Variants in VPS13B observed in about 807,000 individuals in gnomAD.
VPS13B encodes vacuolar protein sorting 13 homolog B.
VPS13B carries 285 observed loss-of-function variants against 426.4 expected under a neutral mutation model. The observed-to-expected ratio is 0.67, with a 90% CI of 0.61 to 0.74. The LOEUF (loss-of-function observed/expected upper bound fraction) is 0.74, where lower values mean the gene tolerates loss of function less well. Among genes scored for constraint, VPS13B ranks in the 30% least tolerant of loss-of-function variants. The pLI is 0.00. For synonymous variants in VPS13B, 1,676 were observed against 1,676.4 expected (o/e 1.00, Z 0.01); for missense variants, 4,537 against 4,782.6 (o/e 0.95, Z 1.51).
At chr8:99,164,711 C>T (rs892133542) in intron 15 of VPS13B, among the ~76,000 whole-genome samples, 2 of 151,878 alleles carry the variant, frequency 1.3e-5, no homozygotes, top group East Asian at 3.9e-4. Flanking sequence ...TCTTCGACTT[C>T]TTCTTTGTCT....
intron 4 of VPS13B, among the ~76,000 whole-genome samples, chr8:99,100,852 C>T (rs1259958888): frequency 6.6e-6 from 1 of 151,756 alleles, no homozygotes; most frequent in African/African-American, 2.4e-5. Context: ...ACCAGCCTGA[C>T]CAACATGGTG....
At chr8:99,444,169 G>A (rs1817806347) in intron 23 of VPS13B, among the ~76,000 whole-genome samples, 1 of 151,914 alleles carries the variant, frequency 6.6e-6, no homozygotes, top group African/African-American at 2.4e-5. Flanking sequence ...CACAATCCCG[G>A]CTCACTGCAG....
At position 99,192,968 on chromosome 8, in the gene VPS13B, A is replaced by C; in HGVS notation, c.2426A>C (p.Gln809Pro). ...ACAAGAGCACAGACACTTCTCTTGC[A>C]AGCAATATATCAAAGTTGGTCTCAT... ...QATRAQTLLL[Q>P]AIYQSWSHLG... Residue 809 changes from glutamine (Q) to proline (P), a missense_variant, in exon 17 of 62, where the codon CAA (glutamine) becomes CCA (proline). By Grantham distance (76) the Gln-to-Pro change is moderately conservative. Transcript: ENST00000357162. The C allele has an allele frequency of 1.9e-6, 3 of 1,613,750 alleles. No homozygotes were observed. Among genetic ancestry groups the C allele is most frequent in the Non-Finnish European group, 2.5e-6 (3 of 1,179,834 alleles).
chr8:99,548,791 T>A (rs1824124928), intron 30 of VPS13B, among the ~76,000 whole-genome samples: 1 of 151,968 alleles, frequency 6.6e-6, no homozygotes, highest in African/African-American at 2.4e-5. Context: ...TACTGTATTT[T>A]CTTATAACGA....
intron 22 of VPS13B, among the ~76,000 whole-genome samples, chr8:99,438,153 T>A (rs1817492516): frequency 6.6e-6 from 1 of 151,698 alleles, no homozygotes; most frequent in South Asian, 2.1e-4. Flanking sequence ...TTGGTAATAA[T>A]GCTGTTATTC....
chr8:99,463,035 T>A (rs1401538259), intron 23 of VPS13B, among the ~76,000 whole-genome samples: 1 of 152,232 alleles, frequency 6.6e-6, no homozygotes, highest in Non-Finnish European at 1.5e-5. Context: ...TCCATGGCAC[T>A]GATGTTACCG....
At chr8:99,178,178 C>A (rs190707374) in intron 16 of VPS13B, among the ~76,000 whole-genome samples, 2 of 149,026 alleles carry the variant, frequency 1.3e-5, no homozygotes, top group Admixed American at 1.3e-4. Flanking sequence ...TTATTATACT[C>A]TAAGTTTTAG....
intron 2 of VPS13B, among the ~76,000 whole-genome samples, chr8:99,022,670 T>C (rs2132157074): frequency 6.6e-6 from 1 of 152,326 alleles, no homozygotes; most frequent in South Asian, 2.1e-4. Flanking sequence ...ATTTTCATTG[T>C]TTGCTTATTC....
rs79744694 is a variant in VPS13B at position 99,673,926 on chromosome 8, G to C, written c.6046+12435G>C. The stretch of plus-strand genomic sequence containing the variant: ...TTGTGAATTTTCTGAAATTCTTCCT[G>C]TTATTGGTTGCTAGTTTTATACCAT... On this transcript the variant is annotated intron_variant, in intron 35 of 61. Coordinates refer to ENST00000357162, the MANE Select transcript of VPS13B (RefSeq NM_152564.5). Among the ~76,000 whole-genome samples, 536 of 152,040 alleles carry C rather than the reference G, an allele frequency of 3.5e-3. 5 individuals are homozygous for C. Among genetic ancestry groups the C allele is most frequent in the African/African-American group, 0.012 (513 of 41,520 alleles).
At chr8:99,463,705 A>T (rs927309095) in intron 23 of VPS13B, among the ~76,000 whole-genome samples, 5 of 152,044 alleles carry the variant, frequency 3.3e-5, no homozygotes, top group South Asian at 2.1e-4. Flanking sequence ...ATTTTATTTT[A>T]TTTTAAGATG....
chr8:99,131,516 G>A (rs568239001), intron 8 of VPS13B, among the ~76,000 whole-genome samples: 2 of 152,090 alleles, frequency 1.3e-5, no homozygotes, highest in African/African-American at 2.4e-5. Flanking sequence ...ACAATAAAGC[G>A]AATATAGCAA....
intron 17 of VPS13B, among the ~76,000 whole-genome samples, chr8:99,265,484 G>C (rs1347458965): frequency 1.3e-5 from 2 of 152,126 alleles, no homozygotes; most frequent in Non-Finnish European, 2.9e-5. Context: ...ATGCCATATA[G>C]ATTCTAAGAT....
At chr8:99,378,679 C>A (rs1477210510) in intron 19 of VPS13B, among the ~76,000 whole-genome samples, 1 of 152,182 alleles carries the variant, frequency 6.6e-6, no homozygotes, top group Non-Finnish European at 1.5e-5. Flanking sequence ...TCCCTGACTT[C>A]CCGCAACAAT....
chr8:99,309,299 GT>G (rs1820820168), intron 19 of VPS13B, among the ~76,000 whole-genome samples: 1 of 152,134 alleles, frequency 6.6e-6, no homozygotes, highest in Admixed American at 6.6e-5. Context: ...TTCTTCTAGG[GT>G]TTTTATGGTT....
At chr8:99,510,973 A>T in intron 28 of VPS13B, 131 bp from the exon 29 acceptor site, 1 of 951,284 alleles carries the variant, frequency 1.1e-6, no homozygotes, top group African/African-American at 1.6e-5. Context: ...TTGATCAGTC[A>T]TGTGTTTATT....
intron 22 of VPS13B, among the ~76,000 whole-genome samples, chr8:99,441,531 G>A (rs138368810): frequency 9.1e-4 from 139 of 152,058 alleles, no homozygotes; most frequent in African/African-American, 2.9e-3. Context: ...CTTAAGTATC[G>A]TAGGCTGTTG....
intron 39 of VPS13B, among the ~76,000 whole-genome samples, chr8:99,752,027 A>G (rs1182205921): frequency 6.6e-6 from 1 of 152,090 alleles, no homozygotes; most frequent in Non-Finnish European, 1.5e-5. Flanking sequence ...GTCTTCGTTG[A>G]CTGTTTATCA....
intron 21 of VPS13B, among the ~76,000 whole-genome samples, chr8:99,431,257 A>G (rs1001442169): frequency 1.3e-5 from 2 of 152,218 alleles, no homozygotes; most frequent in African/African-American, 4.8e-5. Flanking sequence ...TGTAATTAAT[A>G]AATAGAACGT....
At chr8:99,737,468 A>G (rs981300589) in intron 39 of VPS13B, among the ~76,000 whole-genome samples, 13 of 152,088 alleles carry the variant, frequency 8.5e-5, no homozygotes, top group African/African-American at 3.1e-4. Context: ...GCCTTCCCCC[A>G]CAAGCATAAT....
Sources: gnomAD v4.1 joint callset for allele counts (sites outside exome capture counted in the v4.1 genomes callset) on GRCh38, gnomAD v4.1.1 for gene constraint, MANE v1.5 for transcripts, NCBI Gene and HGNC (gene_info 2026-07-23, HGNC 2026-07-21) for gene names.